The following SEMA7A variants were observed in gnomAD, a reference collection of about 807,000 sequenced individuals.
SEMA7A encodes semaphorin-7A.
SEMA7A carries 21 observed loss-of-function variants against 67.5 expected under a neutral mutation model. The ratio of observed to expected loss-of-function variants is 0.31; its 90% CI spans 0.22 to 0.45. The LOEUF (loss-of-function observed/expected upper bound fraction) is 0.45. SEMA7A is among the 20% of genes least tolerant of loss of function. The pLI, the probability that SEMA7A is intolerant of heterozygous loss-of-function variation, is 1.00. For synonymous variants in SEMA7A, 364 were observed against 368.5 expected, an observed-to-expected ratio of 0.99 and a Z score of 0.14; for missense variants, 774 against 908.6, an observed-to-expected ratio of 0.85 and a Z score of 1.90.
Position 74,414,757 on chromosome 15 carries a change from G to C in SEMA7A, c.1096-12C>G, listed in dbSNP as rs1240971793. On this transcript the variant is annotated splice_polypyrimidine_tract_variant and intron_variant, in intron 9 of 13. Transcript: ENST00000261918. This position sits in a 1 kb window ranked among gnomAD's most constrained non-coding sequence, Gnocchi z 4.1. The stretch of plus-strand genomic sequence containing the variant: ...TGGTCTGGGAGGCACTGGGCAAGGA[G>C]AGCAGGCCCAGGTCAGTGGGGTGGT... The C allele has an allele frequency of 1.9e-6, 3 of 1,614,140 alleles. No homozygotes were observed. Among genetic ancestry groups the C allele is most frequent in the Non-Finnish European group, 1.7e-6 (2 of 1,180,028 alleles).
chr15:74,414,807 G>C lies in SEMA7A; in HGVS notation c.1095+31C>G. 6.2e-7 allele frequency: 1 copy of C among 1,613,774 alleles called. No individual in the cohort carries two copies. Among genetic ancestry groups the C allele is most frequent in the Non-Finnish European group, 8.5e-7 (1 of 1,179,670 alleles). On this transcript the variant is annotated intron_variant, in intron 9 of 13. Coordinates refer to ENST00000261918, the MANE Select transcript of SEMA7A (RefSeq NM_003612.5). The surrounding 1 kb of genome is among the most constrained non-coding windows in gnomAD (Gnocchi z 4.1). ...TGGGAGGTGAGGCAGAAGGAGGGCT[G>C]GGCCTGGGCCACGGCTGGTGTCACG...
chr15:74,410,863 C>T lies in SEMA7A; in HGVS notation c.1762G>A (p.Glu588Lys), dbSNP rs768804440. 2.0e-5 allele frequency: 33 copies of T among 1,614,176 alleles called. No homozygotes were observed. Among genetic ancestry groups the T allele is most frequent in the South Asian group, 3.3e-5 (3 of 91,086 alleles). Residue 588 changes from glutamate (E) to lysine (K), a missense_variant, in exon 14 of 14, where the codon GAA (glutamate) becomes AAA (lysine). Physicochemically the swap from Glu to Lys is moderately conservative, Grantham distance 56. This residue lies in a region of SEMA7A where 427 missense variants were observed against 555.4 expected (regional missense o/e 0.77). Coordinates refer to ENST00000261918, the MANE Select transcript of SEMA7A (RefSeq NM_003612.5). The surrounding 1 kb of genome is among the most constrained non-coding windows in gnomAD (Gnocchi z 7.5). ...CAGTTGGGGCTCTGGTGACCAGGTT[C>T]GCAGCTCTGCTCCACGTTCTCCTTG... ...RHKENVEQSC[E>K]PGHQSPNCIL...
At chr15:74,415,246 G>A (rs1201568641) in intron 8 of SEMA7A, among the ~76,000 whole-genome samples, 1 of 152,110 alleles carries the variant, frequency 6.6e-6, no homozygotes, top group Non-Finnish European at 1.5e-5. Flanking sequence ...GGCACAGGCT[G>A]TGGGGTGCTG....
In SEMA7A at chr15:74,414,247, CCT is replaced by C. The variant is rs2060926202; in HGVS notation, c.1294+298_1294+299del. Among the ~76,000 whole-genome samples the C allele has an allele frequency of 6.6e-6, 1 of 152,210 alleles. No homozygotes were observed. Among genetic ancestry groups the C allele is most frequent in the East Asian group, 1.9e-4 (1 of 5,192 alleles). On this transcript the variant is annotated intron_variant, in intron 10 of 13. Transcript: ENST00000261918. The surrounding 1 kb of genome is among the most constrained non-coding windows in gnomAD (Gnocchi z 4.1). ...CACGTCTCTTCCTACCATCTTCTTC[CCT>C]GAGTCAGACATCTGGACCAAAGGTG...
rs2061016434 is a variant in SEMA7A, at chr15:74,423,316, C to T, written c.179-4364G>A. Among the ~76,000 whole-genome samples, 1 of 152,204 alleles carries T rather than the reference C, an allele frequency of 6.6e-6. No individual in the cohort carries two copies. The highest frequency in any genetic ancestry group is 1.5e-5 in the Non-Finnish European group (1 of 68,034). The stretch of plus-strand genomic sequence containing the variant: ...CACGTGATGCCTAGGAATTAGCCTG[C>T]AGCCTCTCCACCCTTTGGAATCCCA... On this transcript the variant is annotated intron_variant, in intron 1 of 13. Transcript: ENST00000261918. The surrounding 1 kb of genome is among the most constrained non-coding windows in gnomAD (Gnocchi z 4.1).
rs760102 is a variant in SEMA7A at position 74,411,057 on chromosome 15, G to A, written c.1640-72C>T. 3.8e-5 allele frequency: 58 copies of A among 1,539,412 alleles called. No individual in the cohort carries two copies. Among genetic ancestry groups the A allele is most frequent in the Middle Eastern group, 2.0e-4 (1 of 4,922 alleles). Reference sequence around the variant, plus strand: ...CCAGGGGAGGATGTGTCCTCCCCACGGACTGGGATCCCAGGACAAGGCTTC... The same window carrying A: ...CCAGGGGAGGATGTGTCCTCCCCACAGACTGGGATCCCAGGACAAGGCTTC... On this transcript the variant is annotated intron_variant, in intron 13 of 13. Coordinates refer to ENST00000261918, the MANE Select transcript of SEMA7A (RefSeq NM_003612.5). This position sits in a 1 kb window ranked among gnomAD's most constrained non-coding sequence, Gnocchi z 4.4.
At chr15:74,425,806 G>T (rs1039926221) in intron 1 of SEMA7A, among the ~76,000 whole-genome samples, 1 of 152,134 alleles carries the variant, frequency 6.6e-6, no homozygotes, top group African/African-American at 2.4e-5. Context: ...GTAGACAGTC[G>T]TCTCCTGGTG....
At chr15:74,412,078 A>C in intron 10 of SEMA7A, 66 bp from the exon 11 acceptor site, 43 of 1,532,556 alleles carry the variant, frequency 2.8e-5, no homozygotes, top group Non-Finnish European at 3.3e-5. Context: ...GCTTTCCTCT[A>C]GGCCGGGGAG....
At chr15:74,424,782 G>A (rs1278855405) in intron 1 of SEMA7A, among the ~76,000 whole-genome samples, 1 of 152,208 alleles carries the variant, frequency 6.6e-6, no homozygotes, top group Non-Finnish European at 1.5e-5. Context: ...CACGCCCAGG[G>A]AAGGCCGGAA....
At chr15:74,422,532 C>T (rs1332397993) in intron 1 of SEMA7A, among the ~76,000 whole-genome samples, 1 of 152,188 alleles carries the variant, frequency 6.6e-6, no homozygotes. Context: ...CAGGCTGCCC[C>T]GTACCCAGCC....
intron 10 of SEMA7A, among the ~76,000 whole-genome samples, chr15:74,412,473 A>G (rs2060910149): frequency 6.6e-6 from 1 of 152,222 alleles, no homozygotes; most frequent in African/African-American, 2.4e-5. Flanking sequence ...GTTGGAACCC[A>G]AATCTGTCAG....
intron 6 of SEMA7A, 50 bp from the exon 7 acceptor site, chr15:74,416,764 A>G (rs1267248760): frequency 6.3e-7 from 1 of 1,596,516 alleles, no homozygotes; most frequent in Non-Finnish European, 8.6e-7. Flanking sequence ...CTTGCCCGGG[A>G]GACCATCCCA....
rs568010275 is a variant in SEMA7A at position 74,411,657 on chromosome 15, C to T, written c.1476G>A (p.Leu492=). ...QWEVSQVPLD[L]CEVYGGGCHG... ...GGCAGCCCCCGCCATAGACCTCACA[C>T]AGGTCCAGGGGCACCTGGCTCACCT... Residue 492 remains leucine (L), a synonymous_variant, in exon 12 of 14, where the codon CTG becomes CTA. Coordinates refer to ENST00000261918, the MANE Select transcript of SEMA7A (RefSeq NM_003612.5). The surrounding 1 kb of genome is among the most constrained non-coding windows in gnomAD (Gnocchi z 4.4). 12 of 1,613,678 alleles carry T rather than the reference C, an allele frequency of 7.4e-6. No homozygotes were observed. The African/African-American group carries it at 1.6e-4, about 22-fold the overall frequency.
chr15:74,429,139 G>C (rs1163114360), intron 1 of SEMA7A, among the ~76,000 whole-genome samples: 1 of 152,218 alleles, frequency 6.6e-6, no homozygotes. Flanking sequence ...GCCAAAAAAG[G>C]AAATCAAGAG....
intron 1 of SEMA7A, among the ~76,000 whole-genome samples, chr15:74,429,140 A>C (rs2061066176): frequency 6.6e-6 from 1 of 152,238 alleles, no homozygotes; most frequent in Non-Finnish European, 1.5e-5. Context: ...CCAAAAAAGG[A>C]AATCAAGAGA....
intron 1 of SEMA7A, among the ~76,000 whole-genome samples, chr15:74,425,230 T>C (rs2061034305): frequency 6.6e-6 from 1 of 152,218 alleles, no homozygotes; most frequent in African/African-American, 2.4e-5. Context: ...TTCCATCGCA[T>C]TTACTACGTG....
chr15:74,421,568 G>C (rs569743128), intron 1 of SEMA7A, among the ~76,000 whole-genome samples: 5 of 152,292 alleles, frequency 3.3e-5, no homozygotes, highest in Admixed American at 3.3e-4. Context: ...TTGGTGATGC[G>C]TATGGACTAG....
At chr15:74,418,121 G>T in intron 3 of SEMA7A, 147 bp downstream of exon 3, 1 of 1,141,562 alleles carries the variant, frequency 8.8e-7, no homozygotes, top group Non-Finnish European at 1.3e-6. Context: ...GTGTGCAGCT[G>T]ACGCCATCCC....
chr15:74,433,892 G>C lies in SEMA7A; in HGVS notation c.27C>G (p.Ala9=). Residue 9 remains alanine (A), a synonymous_variant, in exon 1 of 14, where the codon GCC becomes GCG. Coordinates refer to ENST00000261918, the MANE Select transcript of SEMA7A (RefSeq NM_003612.5). MTPPPPGR[A]APSAPRARVP... ...CGCGGGCGCGCGGTGCGCTGGGGGC[G>C]GCACGTCCGGGCGGAGGAGGCGTCA... The C allele has an allele frequency of 7.9e-7, 1 of 1,262,708 alleles. No homozygotes were observed. Among genetic ancestry groups the C allele is most frequent in the Non-Finnish European group, 9.9e-7 (1 of 1,008,712 alleles). The allele number at this position is 1,262,708 out of a possible 1,614,324, so 78.2% of individuals were successfully genotyped here. A position where few individuals can be genotyped will look rare whatever the true frequency, so the allele number is the denominator to read the frequency against.
Sources: gnomAD v4.1 joint callset for allele counts (sites outside exome capture counted in the v4.1 genomes callset) on GRCh38, gnomAD v4.1.1 for gene constraint, gnomAD v4.1.1 regional missense constraint, Gnocchi (gnomAD v3.1) non-coding constraint, MANE v1.5 for transcripts, NCBI Gene and HGNC (gene_info 2026-07-23, HGNC 2026-07-21) for gene names.